The following CPT1C variants were observed in gnomAD, a reference collection of about 807,000 sequenced individuals.
CPT1C encodes carnitine palmitoyltransferase 1C.
Under a neutral mutation model 97.3 loss-of-function variants are expected in CPT1C, and 61 were observed. That is an observed-to-expected ratio of 0.63 (90% CI 0.51 to 0.78). The LOEUF (loss-of-function observed/expected upper bound fraction) is 0.78, where lower values mean the gene tolerates loss of function less well. Among genes scored for constraint, CPT1C ranks in the 30% least tolerant of loss-of-function variants. The pLI is 0.00. For missense variants in CPT1C, 975 were observed against 1,065.5 expected (o/e 0.92, Z 1.18); for synonymous variants, 469 against 447.2 (o/e 1.05, Z -0.61).
rs1600146515 is a variant in CPT1C, at chr19:49,710,660, G to T, written c.1732-63G>T. On this transcript the variant is annotated intron_variant, in intron 15 of 19. Transcript: ENST00000598293. ...AGGCTGGAGGTCTGGACAGAGATAG[G>T]TCAAGTCTGTAAGATCTCCTGAGCC... The T allele has an allele frequency of 1.9e-6, 3 of 1,589,942 alleles. No individual in the cohort carries two copies. The East Asian group carries it at 6.7e-5, about 36-fold the overall frequency.
rs2082403579 is a variant in CPT1C at position 49,692,365 on chromosome 19, C to T, written c.113C>T (p.Ser38Phe). Residue 38 changes from serine to phenylalanine, a missense_variant, in exon 3 of 20, where the codon TCC (serine) becomes TTC (phenylalanine). Physicochemically the swap from Ser to Phe is radical, Grantham distance 155. Transcript: ENST00000598293. Reference protein sequence around the residue: ...LQEIYLSGLRSWKRHLSRFWN... With the variant: ...LQEIYLSGLRFWKRHLSRFWN... ...GAGATCTACCTCTCTGGCCTGCGCTCCTGGAAAAGGCATCTCTCACGTTTC... is the reference window on the plus strand; with the variant it reads ...GAGATCTACCTCTCTGGCCTGCGCTTCTGGAAAAGGCATCTCTCACGTTTC... The T allele has an allele frequency of 1.2e-6, 2 of 1,614,110 alleles. No individual in the cohort carries two copies. Among genetic ancestry groups the T allele is most frequent in the Non-Finnish European group, 1.7e-6 (2 of 1,180,012 alleles).
At chr19:49,702,043 T>C (rs1202800306) in intron 7 of CPT1C, among the ~76,000 whole-genome samples, 1 of 93,816 alleles carries the variant, frequency 1.1e-5, no homozygotes, top group Non-Finnish European at 1.9e-5. Flanking sequence ...ATATATTTAT[T>C]TATAAATTAT....
intron 2 of CPT1C, 93 bp from the exon 3 acceptor site, chr19:49,692,146 G>A (rs2082388008): frequency 1.4e-6 from 2 of 1,385,372 alleles, no homozygotes; most frequent in African/African-American, 1.4e-5. Flanking sequence ...CTGGACTCCT[G>A]GGTATGAAGG....
intron 7 of CPT1C, among the ~76,000 whole-genome samples, chr19:49,701,940 AAATT>A (rs1568520177): frequency 6.3e-5 from 6 of 94,732 alleles, no homozygotes; most frequent in South Asian, 2.9e-4. Flanking sequence ...TAATATTTAT[AAATT>A]TATATATAAA....
chr19:49,711,058 G>T (rs921547411), intron 16 of CPT1C: 5 of 499,422 alleles, frequency 1.0e-5, no homozygotes, highest in Non-Finnish European at 1.7e-5. Context: ...TTTCATGGTG[G>T]TCTCACAGGG....
chr19:49,711,260 A>ATTTTTTTTTTTT (rs34561432), intron 16 of CPT1C: 1 of 135,344 alleles, frequency 7.4e-6, no homozygotes, highest in Non-Finnish European at 1.6e-5. Context: ...TGCCCAGCTA[A>ATTTTTTTTTTTT]TTTTTTTTTT....
intron 4 of CPT1C, among the ~76,000 whole-genome samples, chr19:49,698,258 C>G (rs765114811): frequency 2.7e-5 from 4 of 150,224 alleles, no homozygotes; most frequent in Non-Finnish European, 5.9e-5. Context: ...TCCCAGCTAC[C>G]CAGGAGGCTG....
At chr19:49,707,735 G>A in intron 13 of CPT1C, 112 bp downstream of exon 13, 1 of 637,058 alleles carries the variant, frequency 1.6e-6, no homozygotes, top group Non-Finnish European at 2.6e-6. Flanking sequence ...GGGCACGGTG[G>A]TTCATGCCTG....
upstream of CPT1C, chr19:49,690,722 T>G (rs2082317125): frequency 4.1e-6 from 2 of 485,594 alleles, no homozygotes; most frequent in South Asian, 4.3e-5. This position sits in a 1 kb window ranked among gnomAD's most constrained non-coding sequence, Gnocchi z 4.4. Context: ...TCTTGCCAAC[T>G]CAATCCATGC....
chr19:49,699,076 C>T (rs1401167578), intron 4 of CPT1C, among the ~76,000 whole-genome samples: 3 of 152,004 alleles, frequency 2.0e-5, no homozygotes, highest in African/African-American at 4.8e-5. Flanking sequence ...GCACTCCAGC[C>T]TGGGCGACAG....
intron 7 of CPT1C, 89 bp from the exon 8 acceptor site, chr19:49,704,621 G>A (rs950582316): frequency 1.3e-5 from 13 of 987,602 alleles, no homozygotes; most frequent in African/African-American, 3.2e-5. Context: ...CCTGCCTGAC[G>A]CAGGAGCATC....
intron 7 of CPT1C, among the ~76,000 whole-genome samples, chr19:49,701,951 TA>T (rs2083115346): frequency 2.3e-5 from 2 of 87,012 alleles, no homozygotes; most frequent in South Asian, 6.1e-4. Flanking sequence ...AATTTATATA[TA>T]AATATATTTA....
intron 4 of CPT1C, 156 bp downstream of exon 4, chr19:49,697,621 G>A: frequency 1.1e-6 from 1 of 872,482 alleles, no homozygotes; most frequent in Non-Finnish European, 1.7e-6. Context: ...AAAAGGAGGT[G>A]AGGCCGGGCA....
intron 7 of CPT1C, among the ~76,000 whole-genome samples, chr19:49,704,488 C>T (rs997472633): frequency 6.6e-6 from 1 of 152,136 alleles, no homozygotes; most frequent in African/African-American, 2.4e-5. Context: ...GTTATTTCCA[C>T]CAGCTATGTA....
At chr19:49,702,051 T>TATAA (rs377510443) in intron 7 of CPT1C, among the ~76,000 whole-genome samples, 493 of 3,642 alleles carry the variant, frequency 0.14, 87 homozygotes, top group East Asian at 0.35. Flanking sequence ...ATTTATAAAT[T>TATAA]ATAAATATAT....
rs1359965942 is a variant in CPT1C, at chr19:49,713,437, G to T, written c.2244G>T (p.Gly748=). Residue 748 remains glycine (G), a synonymous_variant, in exon 20 of 20, where the codon GGG becomes GGT. Coordinates refer to ENST00000598293, the MANE Select transcript of CPT1C (RefSeq NM_001199753.2). ...SSTKTDSHRL[G]QHIEDALLDV... ...CCTTCCAGGATTCCCACAGGCTGGG[G>T]CAGCACATTGAGGACGCACTGCTGG... 6.2e-7 allele frequency: 1 copy of T among 1,613,160 alleles called. No individual in the cohort carries two copies. The highest frequency in any genetic ancestry group is 1.3e-5 in the African/African-American group (1 of 74,924).
chr19:49,702,089 T>TTATTTATAATTTATAAATATA (rs2083179621), intron 7 of CPT1C, among the ~76,000 whole-genome samples: 2 of 103,914 alleles, frequency 1.9e-5, no homozygotes, highest in East Asian at 2.6e-4. Flanking sequence ...AAATATATAT[T>TTATTTATAATTTATAAATATA]TATTTATAAA....
At chr19:49,705,576 G>A (rs569037685) in intron 10 of CPT1C, among the ~76,000 whole-genome samples, 3 of 152,132 alleles carry the variant, frequency 2.0e-5, no homozygotes, top group South Asian at 4.2e-4. Flanking sequence ...CTAGGGCAAC[G>A]TAGTGAGATC....
In CPT1C at chr19:49,706,490, G is replaced by A; in HGVS notation, c.1343+77G>A. 2 of 1,255,622 alleles carry A rather than the reference G, an allele frequency of 1.6e-6. No individual in the cohort carries two copies. Among genetic ancestry groups the A allele is most frequent in the African/African-American group, 1.6e-5 (1 of 63,804 alleles). The allele number at this position is 1,255,622 out of a possible 1,614,324, so 77.8% of individuals were successfully genotyped here. Reference sequence around the variant, plus strand: ...ATCAGACCTAGGACCCCTGACAGTAGACAGCCAGACCCTGGAGCCCACACC... The same window carrying A: ...ATCAGACCTAGGACCCCTGACAGTAAACAGCCAGACCCTGGAGCCCACACC... On this transcript the variant is annotated intron_variant, in intron 12 of 19. Transcript: ENST00000598293. The surrounding 1 kb of genome is among the most constrained non-coding windows in gnomAD (Gnocchi z 4.8).
Sources: allele counts gnomAD v4.1 joint callset (sites outside exome capture counted in the v4.1 genomes callset), GRCh38; gene constraint gnomAD v4.1.1; non-coding constraint Gnocchi (gnomAD v3.1); transcripts MANE v1.5; gene names NCBI Gene and HGNC (gene_info 2026-07-23, HGNC 2026-07-21).